MARCHF1: variants seen among roughly 807,000 people sequenced by gnomAD.
MARCHF1 encodes the protein membrane associated ring-CH-type finger 1.
MARCHF1 carries 40 observed loss-of-function variants against 54.2 expected under a neutral mutation model. The ratio of observed to expected loss-of-function variants is 0.74; its 90% CI spans 0.57 to 0.96. MARCHF1 has a LOEUF of 0.96. Among genes scored for constraint, MARCHF1 ranks in the 40% least tolerant of loss-of-function variants. The pLI is 0.00. For missense variants in MARCHF1, 586 were observed against 656.5 expected, an observed-to-expected ratio of 0.89 and a Z score of 1.17; for synonymous variants, 236 against 236.3, an observed-to-expected ratio of 1.00 and a Z score of 0.01.
intron 3 of MARCHF1, among the ~76,000 whole-genome samples, chr4:163,933,932 A>C (rs1283203344): frequency 6.6e-6 from 1 of 152,226 alleles, no homozygotes; most frequent in Non-Finnish European, 1.5e-5. Context: ...CTGCCTTTGT[A>C]GTTCTGGTAT....
intron 4 of MARCHF1, among the ~76,000 whole-genome samples, chr4:163,754,994 T>A (rs1310518774): frequency 6.6e-6 from 1 of 152,150 alleles, no homozygotes; most frequent in Non-Finnish European, 1.5e-5. Context: ...GACTAATGAT[T>A]TTCCTAGGGA....
At chr4:163,890,069 C>T (rs1468824631) in intron 3 of MARCHF1, among the ~76,000 whole-genome samples, 2 of 150,158 alleles carry the variant, frequency 1.3e-5, no homozygotes, top group Admixed American at 6.6e-5. Context: ...GGACTATAAA[C>T]ACCCACCACC....
intron 3 of MARCHF1, among the ~76,000 whole-genome samples, chr4:163,908,092 A>C (rs1751110516): frequency 6.6e-6 from 1 of 152,192 alleles, no homozygotes; most frequent in Non-Finnish European, 1.5e-5. Context: ...ATGATGGCTC[A>C]TCTCACAGGA....
intron 1 of MARCHF1, among the ~76,000 whole-genome samples, chr4:164,298,042 C>CA (rs1734455797): frequency 6.6e-6 from 1 of 151,684 alleles, no homozygotes; most frequent in South Asian, 2.1e-4. Context: ...AACACAATAC[C>CA]AAATGTTCAG....
intron 7 of MARCHF1, among the ~76,000 whole-genome samples, chr4:163,598,522 G>C (rs544208246): frequency 1.3e-5 from 2 of 152,200 alleles, no homozygotes; most frequent in Non-Finnish European, 2.9e-5. Flanking sequence ...AGAGCCTGTT[G>C]GTCCCAAGCT....
At chr4:164,132,658 T>C (rs1328875598) in intron 1 of MARCHF1, among the ~76,000 whole-genome samples, 1 of 152,128 alleles carries the variant, frequency 6.6e-6, no homozygotes, top group Non-Finnish European at 1.5e-5. Context: ...CCACTGACCA[T>C]CGACATAATG....
At chr4:164,148,411 G>T (rs1264904226) in intron 1 of MARCHF1, among the ~76,000 whole-genome samples, 2 of 151,992 alleles carry the variant, frequency 1.3e-5, no homozygotes, top group Non-Finnish European at 2.9e-5. Context: ...ATGATGGCCA[G>T]CCATGTTCTC....
intron 3 of MARCHF1, among the ~76,000 whole-genome samples, chr4:163,929,427 A>G (rs1251306640): frequency 6.6e-6 from 1 of 152,084 alleles, no homozygotes; most frequent in Non-Finnish European, 1.5e-5. Context: ...TGTACTCAAA[A>G]TTATCATATA....
intron 3 of MARCHF1, among the ~76,000 whole-genome samples, chr4:163,956,412 T>C (rs147963346): frequency 3.9e-4 from 60 of 152,236 alleles, no homozygotes; most frequent in African/African-American, 1.4e-3. Flanking sequence ...ACTGGTAAAT[T>C]AGCTAACAAA....
At chr4:164,127,134 A>T (rs1756202074) in intron 1 of MARCHF1, among the ~76,000 whole-genome samples, 1 of 152,034 alleles carries the variant, frequency 6.6e-6, no homozygotes, top group South Asian at 2.1e-4. Flanking sequence ...CTTGTTATAA[A>T]GCAGCCAAAA....
intron 1 of MARCHF1, among the ~76,000 whole-genome samples, chr4:164,319,014 T>A (rs758063276): frequency 6.6e-6 from 1 of 152,180 alleles, no homozygotes; most frequent in Non-Finnish European, 1.5e-5. Context: ...TCAGGTTTTG[T>A]TCTGGATATC....
chr4:163,847,330 T>C (rs976465558), intron 4 of MARCHF1, among the ~76,000 whole-genome samples: 2 of 152,188 alleles, frequency 1.3e-5, no homozygotes, highest in African/African-American at 4.8e-5. Context: ...CTTGTTTTAT[T>C]AATACTTAGG....
intron 1 of MARCHF1, among the ~76,000 whole-genome samples, chr4:164,133,618 C>T (rs1232448814): frequency 6.6e-6 from 1 of 152,128 alleles, no homozygotes; most frequent in Non-Finnish European, 1.5e-5. Context: ...ATTCTAATGA[C>T]CAAAGATTAG....
intron 5 of MARCHF1, among the ~76,000 whole-genome samples, chr4:163,639,274 G>A (rs1742469107): frequency 1.3e-5 from 2 of 152,098 alleles, no homozygotes; most frequent in South Asian, 2.1e-4. Context: ...ATATCAGGTT[G>A]TAATTTTTAT....
chr4:164,373,143 A>G (rs928045277), intron 1 of MARCHF1, among the ~76,000 whole-genome samples: 18 of 152,158 alleles, frequency 1.2e-4, no homozygotes, highest in African/African-American at 4.3e-4. Context: ...TGCTACTGAG[A>G]AAATACTATC....
intron 2 of MARCHF1, among the ~76,000 whole-genome samples, chr4:164,072,613 C>T (rs1046914882): frequency 1.3e-5 from 2 of 150,388 alleles, no homozygotes. Flanking sequence ...TTTAAATGTT[C>T]TCATTATTTT....
chr4:163,737,160 C>CTT lies in MARCHF1; in HGVS notation c.112-36299_112-36298dup, dbSNP rs201243891. Among the ~76,000 whole-genome samples, 187 of 40,962 alleles carry CTT rather than the reference C, an allele frequency of 4.6e-3. 7 individuals carry two copies. Among genetic ancestry groups the CTT allele is most frequent in the African/African-American group, 0.022 (178 of 8,106 alleles). 26.9% of individuals were successfully genotyped at this position (40,962 alleles called of 152,430 possible). A position where few individuals can be genotyped will look rare whatever the true frequency, so the allele number is the denominator to read the frequency against. On this transcript the variant is annotated intron_variant, in intron 4 of 9. Coordinates refer to ENST00000514618, the MANE Select transcript of MARCHF1 (RefSeq NM_001394959.1). ...ACTTATCAGCGCTCGCAGCTTTTTT[C>CTT]TTTCTTTTTTTTTTTTTTTTTTCAC...
intron 7 of MARCHF1, 59 bp downstream of exon 7, chr4:163,612,208 CCTAA>C: frequency 7.3e-7 from 1 of 1,368,612 alleles, no homozygotes; most frequent in South Asian, 1.7e-5. Context: ...CAAACACGCA[CCTAA>C]CTCACTGCAA....
chr4:163,963,863 A>T (rs1242752300), intron 3 of MARCHF1, among the ~76,000 whole-genome samples: 1 of 151,964 alleles, frequency 6.6e-6, no homozygotes, highest in Non-Finnish European at 1.5e-5. Context: ...ACAGTCATGG[A>T]CATCCAGCCT....
Sources: allele counts gnomAD v4.1 joint callset (sites outside exome capture counted in the v4.1 genomes callset), GRCh38; gene constraint gnomAD v4.1.1; transcripts MANE v1.5; gene names NCBI Gene and HGNC (gene_info 2026-07-23, HGNC 2026-07-21).